ZNF536: variants seen among roughly 807,000 people sequenced by gnomAD.
ZNF536 encodes zinc finger protein 536.
Under a neutral mutation model 84.5 loss-of-function variants are expected in ZNF536, and 13 were observed. The ratio of observed to expected loss-of-function variants is 0.15; its 90% confidence interval spans 0.10 to 0.24. The LOEUF (loss-of-function observed/expected upper bound fraction) is 0.24, where lower values mean the gene tolerates loss of function less well. Among genes scored for constraint, ZNF536 ranks in the 10% least tolerant of loss-of-function variants. ZNF536 has a pLI of 1.00. For synonymous variants in ZNF536, 811 were observed against 742.5 expected (o/e 1.09, Z -1.50); for missense variants, 1,536 against 1,747.5 (o/e 0.88, Z 2.16).
At chr19:30,262,971 C>T (rs1183400185) in intron 1 of ZNF536, among the ~76,000 whole-genome samples, 10 of 152,176 alleles carry the variant, frequency 6.6e-5, no homozygotes, top group East Asian at 3.9e-4. Context: ...GCTAGAGCAC[C>T]AAGCCCGTCA....
chr19:30,248,220 C>CTTTTT, intron 1 of ZNF536, among the ~76,000 whole-genome samples: 1 of 135,030 alleles, frequency 7.4e-6, no homozygotes, highest in African/African-American at 3.1e-5. Flanking sequence ...TTTTTCTTTT[C>CTTTTT]TTTCTTTTTT....
intron 1 of ZNF536, among the ~76,000 whole-genome samples, chr19:30,233,638 G>A (rs2023248156): frequency 6.6e-6 from 1 of 152,074 alleles, no homozygotes; most frequent in African/African-American, 2.4e-5. Context: ...ATGAGGCAGT[G>A]CACCTGGCTG....
intron 2 of ZNF536, among the ~76,000 whole-genome samples, chr19:30,339,211 G>A (rs556530691): frequency 8.5e-5 from 13 of 152,164 alleles, no homozygotes; most frequent in African/African-American, 2.2e-4. Flanking sequence ...TTTGGAATCC[G>A]CACGGAATTG....
At chr19:30,386,236 C>A (rs867548157) in intron 1 of ZNF536, among the ~76,000 whole-genome samples, 27 of 152,316 alleles carry the variant, frequency 1.8e-4, no homozygotes, top group Middle Eastern at 3.4e-3. Context: ...AAACTCACCT[C>A]ACTACAGAAG....
At chr19:30,349,405 T>G (rs930468378) in intron 2 of ZNF536, among the ~76,000 whole-genome samples, 1 of 152,212 alleles carries the variant, frequency 6.6e-6, no homozygotes, top group Non-Finnish European at 1.5e-5. Context: ...AAAATGTTCC[T>G]GCCTTCCTTA....
chr19:30,443,458 T>G, intron 1 of ZNF536, 103 bp from the exon 2 acceptor site: 7 of 1,438,846 alleles, frequency 4.9e-6, no homozygotes, highest in Non-Finnish European at 6.4e-6. Flanking sequence ...CATGATTATG[T>G]GTAGGTAAGG....
chr19:30,653,473 C>T (rs746098790), intron 1 of ZNF536, among the ~76,000 whole-genome samples: 13 of 152,124 alleles, frequency 8.5e-5, no homozygotes, highest in Non-Finnish European at 1.8e-4. Context: ...TTGACTTGTC[C>T]GATATTACAC....
intron 2 of ZNF536, among the ~76,000 whole-genome samples, chr19:30,461,924 T>C (rs1352208262): frequency 1.3e-5 from 2 of 151,976 alleles, no homozygotes; most frequent in African/African-American, 4.8e-5. Flanking sequence ...GGAAGTCAGC[T>C]CTCCACCCCC....
intron 1 of ZNF536, among the ~76,000 whole-genome samples, chr19:30,423,827 G>A (rs1469552523): frequency 2.7e-5 from 4 of 148,414 alleles, no homozygotes; most frequent in Admixed American, 1.4e-4. Context: ...CGGTCGCTGC[G>A]AAGGACGTCA....
intron 1 of ZNF536, among the ~76,000 whole-genome samples, chr19:30,234,397 CTTTTTTTTTT>C (rs5827694): frequency 6.1e-5 from 5 of 82,408 alleles, no homozygotes; most frequent in East Asian, 3.9e-4. Flanking sequence ...AGGCTCCTTC[CTTTTTTTTTT>C]TTTTTTTTTT....
intron 2 of ZNF536, among the ~76,000 whole-genome samples, chr19:30,481,573 T>TA (rs977903697): frequency 1.3e-5 from 2 of 152,262 alleles, no homozygotes; most frequent in Non-Finnish European, 1.5e-5. Flanking sequence ...ATTGAGTTTT[T>TA]AAAAAATGCC....
chr19:30,584,140 C>A (rs1419339191), intron 1 of ZNF536, among the ~76,000 whole-genome samples: 1 of 152,208 alleles, frequency 6.6e-6, no homozygotes, highest in Non-Finnish European at 1.5e-5. Context: ...CCCCTGATGT[C>A]CTTCCCTCCT....
intron 2 of ZNF536, among the ~76,000 whole-genome samples, chr19:30,527,117 C>T (rs1421740955): frequency 6.6e-6 from 1 of 151,270 alleles, no homozygotes; most frequent in African/African-American, 2.4e-5. Context: ...TGGGGTTTCA[C>T]CATATTGGCC....
chr19:30,592,864 T>A (rs2047323221), intron 1 of ZNF536, among the ~76,000 whole-genome samples: 1 of 152,182 alleles, frequency 6.6e-6, no homozygotes, highest in Non-Finnish European at 1.5e-5. Flanking sequence ...CACTTAGGTG[T>A]TACATGAATA....
chr19:30,539,944 C>T (rs2045262850), intron 3 of ZNF536, among the ~76,000 whole-genome samples: 1 of 152,160 alleles, frequency 6.6e-6, no homozygotes, highest in Admixed American at 6.5e-5. Context: ...CAACTTCACT[C>T]GTGAAAACTT....
At chr19:30,265,235 T>C (rs183519262) in intron 1 of ZNF536, among the ~76,000 whole-genome samples, 1 of 152,198 alleles carries the variant, frequency 6.6e-6, no homozygotes, top group African/African-American at 2.4e-5. Context: ...CCCAAACATT[T>C]CCCAAATGCT....
At chr19:30,286,548 A>AGAGAGAGAGAGAGAGAGAGAGAGAGAG (rs1568305284) in intron 2 of ZNF536, among the ~76,000 whole-genome samples, 1 of 92,584 alleles carries the variant, frequency 1.1e-5, no homozygotes, top group African/African-American at 4.6e-5. Context: ...GAGAGAGAGA[A>AGAGAGAGAGAGAGAGAGAGAGAGAGAG]AGAGAGAGAC....
At chr19:30,484,378 C>T (rs535812527) in intron 2 of ZNF536, among the ~76,000 whole-genome samples, 7 of 150,122 alleles carry the variant, frequency 4.7e-5, no homozygotes, top group Admixed American at 2.0e-4. Context: ...AGGCACCCAC[C>T]GTCATGCCCA....
At position 30,438,909 on chromosome 19, in the gene ZNF536, G is replaced by A. The variant is rs2051877721; in HGVS notation, c.-2-4652G>A. On this transcript the variant is annotated intron_variant, in intron 1 of 4. Coordinates refer to ENST00000355537, the MANE Select transcript of ZNF536 (RefSeq NM_014717.3). The stretch of plus-strand genomic sequence containing the variant: ...TTGCTTAGGGTGATCTCAAACTCCT[G>A]GGGCTCAGCCTCCCAAAGTGCTGGG... Among the ~76,000 whole-genome samples, 3 of 152,112 alleles carry A rather than the reference G, an allele frequency of 2.0e-5. 1 individual carries two copies. The South Asian group carries it at 6.2e-4, about 32-fold the overall frequency.
Sources: gnomAD v4.1 joint callset for allele counts (sites outside exome capture counted in the v4.1 genomes callset) on GRCh38, gnomAD v4.1.1 for gene constraint, MANE v1.5 for transcripts, NCBI Gene and HGNC (gene_info 2026-07-23, HGNC 2026-07-21) for gene names.